Variants in SCLT1 observed in about 807,000 individuals in gnomAD.
SCLT1 encodes sodium channel-associated protein 1.
A neutral mutation model predicts 112.8 loss-of-function variants in SCLT1; 78 were observed. The observed-to-expected ratio is 0.69, with a 90% CI of 0.58 to 0.83. The LOEUF (loss-of-function observed/expected upper bound fraction) is 0.83. Ranked by LOEUF, SCLT1 falls within the 40% of genes least tolerant of loss-of-function variation. SCLT1 has a pLI of 0.00. For missense variants in SCLT1, 747 were observed against 770.4 expected, an observed-to-expected ratio of 0.97 and a Z score of 0.36; for synonymous variants, 257 against 254.7, an observed-to-expected ratio of 1.01 and a Z score of -0.09.
intron 18 of SCLT1, among the ~76,000 whole-genome samples, chr4:128,897,834 C>T (rs1171079812): frequency 6.6e-6 from 1 of 151,740 alleles, no homozygotes; most frequent in Non-Finnish European, 1.5e-5. Flanking sequence ...GAAGATCTAC[C>T]AAGCAAATGG....
intron 14 of SCLT1, chr4:128,952,345 C>A (rs1738828583): frequency 2.2e-6 from 1 of 457,870 alleles, no homozygotes; most frequent in South Asian, 1.5e-5. Context: ...AATCTCACCT[C>A]TAGCCACACA....
intron 1 of SCLT1, among the ~76,000 whole-genome samples, chr4:129,091,079 T>C (rs927240824): frequency 6.6e-6 from 1 of 152,026 alleles, no homozygotes; most frequent in Non-Finnish European, 1.5e-5. Flanking sequence ...CAGAGGCAGG[T>C]GGAAAGAAGG....
At chr4:128,924,745 A>C (rs890361949) in intron 18 of SCLT1, among the ~76,000 whole-genome samples, 12 of 152,158 alleles carry the variant, frequency 7.9e-5, no homozygotes, top group African/African-American at 2.7e-4. Context: ...GGTGTGATGT[A>C]ATGGCGTGGC....
Position 128,992,192 on chromosome 4 carries a change from T to TA in SCLT1, c.660_661insT (p.Ile221TyrfsTer9), listed in dbSNP as rs764905638. 13 of 1,598,040 alleles carry TA rather than the reference T, an allele frequency of 8.1e-6. No individual in the cohort carries two copies. The highest frequency in any genetic ancestry group is 6.8e-6 in the Non-Finnish European group (8 of 1,171,458). ...CTAAGTTTTTTTCGGAGTTGTTCGA[T>TA]TATCACACTTTGTTCAGTTACTGTT... On this transcript the variant is annotated frameshift_variant, in exon 9 of 21. Coordinates refer to ENST00000281142, the MANE Select transcript of SCLT1 (RefSeq NM_144643.4). LOFTEE classifies it high-confidence loss of function.
intron 12 of SCLT1, among the ~76,000 whole-genome samples, chr4:128,959,079 G>C (rs888721585): frequency 3.3e-5 from 5 of 152,116 alleles, no homozygotes; most frequent in Non-Finnish European, 5.9e-5. Context: ...ATCATTCATA[G>C]GGAAGCAGTA....
chr4:128,982,044 G>A (rs1215449160), intron 9 of SCLT1, among the ~76,000 whole-genome samples: 1 of 152,198 alleles, frequency 6.6e-6, no homozygotes, highest in Non-Finnish European at 1.5e-5. Flanking sequence ...AAAGATCAGA[G>A]AGACATTTAT....
intron 5 of SCLT1, among the ~76,000 whole-genome samples, chr4:129,011,163 C>T (rs1744486903): frequency 2.0e-5 from 3 of 152,186 alleles, no homozygotes; most frequent in Admixed American, 2.0e-4. Context: ...TTTTCTGCTT[C>T]ATTTCAGATA....
intron 9 of SCLT1, among the ~76,000 whole-genome samples, chr4:128,973,062 T>G (rs1740829610): frequency 6.7e-6 from 1 of 149,184 alleles, no homozygotes; most frequent in South Asian, 2.2e-4. Flanking sequence ...TTGTTTCTTT[T>G]TTCACATGTT....
chr4:128,983,049 C>T (rs538143409), intron 9 of SCLT1, among the ~76,000 whole-genome samples: 4 of 151,838 alleles, frequency 2.6e-5, no homozygotes, highest in South Asian at 4.2e-4. Flanking sequence ...CCACCACGTC[C>T]GGCTAATTTT....
chr4:129,023,658 T>C (rs1435436834), intron 5 of SCLT1, among the ~76,000 whole-genome samples: 2 of 152,152 alleles, frequency 1.3e-5, no homozygotes, highest in Non-Finnish European at 2.9e-5. Context: ...ACTGGGTTCA[T>C]CTCACTAGGG....
intron 9 of SCLT1, among the ~76,000 whole-genome samples, chr4:128,975,577 T>C (rs986406024): frequency 2.0e-5 from 3 of 152,190 alleles, no homozygotes; most frequent in African/African-American, 7.2e-5. Flanking sequence ...TTTATGCCTT[T>C]TTTGCATACA....
At position 128,884,897 on chromosome 4, in the gene SCLT1, T is replaced by G. The variant is rs2125918532; in HGVS notation, c.2005-358A>C. ...CTTGGGCTCAAGCAATCCACCCACCTTGGTCTCAAAGTACTGGGATTATAG... is the reference window on the plus strand; with the variant it reads ...CTTGGGCTCAAGCAATCCACCCACCGTGGTCTCAAAGTACTGGGATTATAG... On this transcript the variant is annotated intron_variant, in intron 20 of 20. Coordinates refer to ENST00000281142, the MANE Select transcript of SCLT1 (RefSeq NM_144643.4). Among the ~76,000 whole-genome samples the G allele has an allele frequency of 2.0e-5, 3 of 152,312 alleles. 1 individual carries two copies. In the South Asian group the frequency reaches 6.2e-4, roughly 32 times the overall value.
rs575191570 is a variant in SCLT1, at chr4:129,026,590, AG to A, written c.290+12450del. On this transcript the variant is annotated intron_variant, in intron 5 of 20. Coordinates refer to ENST00000281142, the MANE Select transcript of SCLT1 (RefSeq NM_144643.4). ...ATTTACAGCACTAAATGCCCACAAG[AG>A]AAAGCAGGAAAGATCCAAAATTGAC... Among the ~76,000 whole-genome samples, 766 of 152,276 alleles carry A rather than the reference AG, an allele frequency of 5.0e-3. 14 individuals are homozygous for A. The highest frequency in any genetic ancestry group is 0.017 in the African/African-American group (721 of 41,530).
intron 5 of SCLT1, among the ~76,000 whole-genome samples, chr4:129,025,427 G>C (rs1745959916): frequency 6.6e-6 from 1 of 152,154 alleles, no homozygotes; most frequent in East Asian, 1.9e-4. Flanking sequence ...TTTCAACCCA[G>C]AATTTCATAT....
intron 2 of SCLT1, among the ~76,000 whole-genome samples, chr4:129,076,950 G>A (rs1386270266): frequency 6.6e-6 from 1 of 152,030 alleles, no homozygotes; most frequent in Middle Eastern, 3.4e-3. Context: ...GAAGAGAACA[G>A]ATGATTGAAT....
At position 128,900,294 on chromosome 4, in the gene SCLT1, A is replaced by C. The variant is rs527570130; in HGVS notation, c.1830-9157T>G. On this transcript the variant is annotated intron_variant, in intron 18 of 20. Coordinates refer to ENST00000281142, the MANE Select transcript of SCLT1 (RefSeq NM_144643.4). ...TCAAACTATACTACAAGGCTACAGTAACCAAAACAGCATGGTACTGGTACC... is the reference window on the plus strand; with the variant it reads ...TCAAACTATACTACAAGGCTACAGTCACCAAAACAGCATGGTACTGGTACC... Among the ~76,000 whole-genome samples the C allele has an allele frequency of 3.8e-3, 578 of 152,324 alleles. 2 individuals carry two copies. The highest frequency in any genetic ancestry group is 0.013 in the African/African-American group (545 of 41,574).
At position 129,003,903 on chromosome 4, in the gene SCLT1, G is replaced by C. The variant is rs748976786; in HGVS notation, c.291-27C>G. Reference sequence around the variant, plus strand: ...TTTGAAACAAATAGTTAACATGATAGCCTCAAGTCATTTTCGTAACAGTAA... The same window carrying C: ...TTTGAAACAAATAGTTAACATGATACCCTCAAGTCATTTTCGTAACAGTAA... On this transcript the variant is annotated intron_variant, in intron 5 of 20. Transcript: ENST00000281142. The C allele has an allele frequency of 1.9e-6, 3 of 1,601,704 alleles. No individual in the cohort carries two copies. The Admixed American group carries it at 5.2e-5, about 28-fold the overall frequency.
chr4:128,895,841 A>G (rs1236790263), intron 18 of SCLT1, among the ~76,000 whole-genome samples: 2 of 152,200 alleles, frequency 1.3e-5, no homozygotes, highest in African/African-American at 4.8e-5. Context: ...CCCACCCTTA[A>G]TACTGCGCTT....
chr4:129,011,544 G>A lies in SCLT1; in HGVS notation c.291-7668C>T, dbSNP rs988217102. Among the ~76,000 whole-genome samples, 5 of 151,622 alleles carry A rather than the reference G, an allele frequency of 3.3e-5. No individual in the cohort carries two copies. The East Asian group carries it at 9.8e-4, about 30-fold the overall frequency. On this transcript the variant is annotated intron_variant, in intron 5 of 20. Coordinates refer to ENST00000281142, the MANE Select transcript of SCLT1 (RefSeq NM_144643.4). ...ATAGTTTGAAGTTGGGCAGTGTGAT[G>A]TCCCCAGCTTTCTTCTTTTTGCTTA...
Sources: allele counts gnomAD v4.1 joint callset (sites outside exome capture counted in the v4.1 genomes callset), GRCh38; gene constraint gnomAD v4.1.1; transcripts MANE v1.5; gene names NCBI Gene and HGNC (gene_info 2026-07-23, HGNC 2026-07-21).